The following CACNA2D3 variants were observed in gnomAD, a reference collection of about 807,000 sequenced individuals.
CACNA2D3 encodes the protein voltage-dependent calcium channel subunit alpha-2/delta-3.
Under a neutral mutation model 160.6 loss-of-function variants are expected in CACNA2D3, and 60 were observed. That is an observed-to-expected ratio of 0.37 (90% CI 0.30 to 0.46). CACNA2D3 has a LOEUF of 0.46. Among genes scored for constraint, CACNA2D3 ranks in the 20% least tolerant of loss-of-function variants. The probability of loss-of-function intolerance (pLI) is 1.00; values close to 1 mark genes in which losing one functional copy is unlikely to be tolerated. For synonymous variants in CACNA2D3, 558 were observed against 492.9 expected, an observed-to-expected ratio of 1.13 and a Z score of -1.75; for missense variants, 1,205 against 1,365.0, an observed-to-expected ratio of 0.88 and a Z score of 1.85.
At chr3:54,393,344 G>A (rs1364406424) in intron 4 of CACNA2D3, among the ~76,000 whole-genome samples, 1 of 152,196 alleles carries the variant, frequency 6.6e-6, no homozygotes, top group Non-Finnish European at 1.5e-5. Context: ...CTGACACTGT[G>A]TCCTGTCCCC....
intron 2 of CACNA2D3, among the ~76,000 whole-genome samples, chr3:54,131,120 G>T (rs1247706061): frequency 6.6e-6 from 1 of 152,194 alleles, no homozygotes; most frequent in Admixed American, 6.5e-5. Flanking sequence ...AGCTCTTCAG[G>T]TAATCTTCAT....
chr3:54,444,745 G>A (rs907987165), intron 4 of CACNA2D3, among the ~76,000 whole-genome samples: 8 of 152,180 alleles, frequency 5.3e-5, no homozygotes, highest in African/African-American at 1.7e-4. Flanking sequence ...GGCCCTCAGA[G>A]CTGTCTACTT....
chr3:54,740,132 G>A (rs1031339436), intron 11 of CACNA2D3, among the ~76,000 whole-genome samples: 3 of 152,040 alleles, frequency 2.0e-5, no homozygotes, highest in Admixed American at 1.3e-4. Context: ...ACCAAAGACA[G>A]GGGAGCCACA....
intron 31 of CACNA2D3, among the ~76,000 whole-genome samples, chr3:54,990,057 T>C (rs1702705890): frequency 6.6e-6 from 1 of 152,162 alleles, no homozygotes; most frequent in Non-Finnish European, 1.5e-5. Flanking sequence ...TCATGCACCA[T>C]ATTGAATTGA....
At chr3:55,043,394 C>T (rs907308880) in intron 35 of CACNA2D3, among the ~76,000 whole-genome samples, 2 of 148,490 alleles carry the variant, frequency 1.3e-5, no homozygotes, top group East Asian at 2.1e-4. Flanking sequence ...TGGTTTTGCA[C>T]TTCCATGACG....
chr3:54,836,303 C>T (rs942998380), intron 14 of CACNA2D3, among the ~76,000 whole-genome samples: 2 of 146,920 alleles, frequency 1.4e-5, no homozygotes, highest in Non-Finnish European at 3.0e-5. Flanking sequence ...GGCACTATCT[C>T]GGCCCACTGC....
At chr3:54,334,203 C>T (rs538078372) in intron 3 of CACNA2D3, among the ~76,000 whole-genome samples, 7 of 152,158 alleles carry the variant, frequency 4.6e-5, no homozygotes, top group African/African-American at 1.7e-4. Context: ...TCTCATGCCT[C>T]AGCCTCCCAA....
intron 2 of CACNA2D3, among the ~76,000 whole-genome samples, chr3:54,297,989 A>G (rs536687832): frequency 6.6e-6 from 1 of 152,376 alleles, no homozygotes; most frequent in South Asian, 2.1e-4. Context: ...CCAAATTTTA[A>G]CAAAGCACCT....
chr3:54,620,907 G>A (rs1698972481), intron 9 of CACNA2D3, among the ~76,000 whole-genome samples: 1 of 152,200 alleles, frequency 6.6e-6, no homozygotes, highest in Non-Finnish European at 1.5e-5. Context: ...CAAAAAGCAC[G>A]TGATGCCTAG....
chr3:54,359,720 A>G (rs1698710479), intron 3 of CACNA2D3, among the ~76,000 whole-genome samples: 1 of 152,224 alleles, frequency 6.6e-6, no homozygotes, highest in Non-Finnish European at 1.5e-5. Context: ...CAGTAAAGGA[A>G]TCTGCTTAAC....
chr3:54,639,321 G>C (rs546841337), intron 10 of CACNA2D3: 2 of 152,216 alleles, frequency 1.3e-5, no homozygotes, highest in East Asian at 3.9e-4. Flanking sequence ...TGCCGCTAAG[G>C]GTGAAGGACC....
rs1699738592 is a variant in CACNA2D3 at position 54,879,336 on chromosome 3, T to C, written c.1783-14T>C. 4 of 1,591,776 alleles carry C rather than the reference T, an allele frequency of 2.5e-6. No individual in the cohort carries two copies. Among genetic ancestry groups the C allele is most frequent in the Non-Finnish European group, 3.4e-6 (4 of 1,171,894 alleles). On this transcript the variant is annotated splice_polypyrimidine_tract_variant and intron_variant, in intron 19 of 37. Transcript: ENST00000474759. ...TTTCTTTTCTCTACGACTTTTTTTT[T>C]TTTTTCAATCTAGAAACGGGTTTTG...
At chr3:54,296,346 A>T (rs974878130) in intron 2 of CACNA2D3, among the ~76,000 whole-genome samples, 2 of 152,064 alleles carry the variant, frequency 1.3e-5, no homozygotes, top group African/African-American at 2.4e-5. Flanking sequence ...TGTGTTGGTT[A>T]TGTAGGAAAG....
chr3:54,833,644 A>T (rs2106750947), intron 14 of CACNA2D3, among the ~76,000 whole-genome samples: 1 of 152,124 alleles, frequency 6.6e-6, no homozygotes, highest in East Asian at 1.9e-4. Context: ...AAGAGTATAG[A>T]ATGCCTTTCA....
At chr3:54,635,917 G>A (rs751772781) in intron 10 of CACNA2D3, among the ~76,000 whole-genome samples, 1 of 151,930 alleles carries the variant, frequency 6.6e-6, no homozygotes, top group Non-Finnish European at 1.5e-5. Flanking sequence ...TGTAGGAAAC[G>A]CCTTTACTTA....
chr3:54,668,436 C>G (rs1409058766), intron 11 of CACNA2D3, among the ~76,000 whole-genome samples: 1 of 152,174 alleles, frequency 6.6e-6, no homozygotes, highest in Non-Finnish European at 1.5e-5. Flanking sequence ...CATGTGGGTT[C>G]ACCTCCGCCA....
intron 35 of CACNA2D3, among the ~76,000 whole-genome samples, chr3:55,027,658 G>A (rs1703592994): frequency 6.6e-6 from 1 of 152,182 alleles, no homozygotes; most frequent in Non-Finnish European, 1.5e-5. Context: ...CAGGGGCAAT[G>A]ACATTCAAAA....
intron 2 of CACNA2D3, among the ~76,000 whole-genome samples, chr3:54,295,627 A>G (rs1384095929): frequency 2.0e-5 from 3 of 152,218 alleles, no homozygotes; most frequent in Admixed American, 1.3e-4. Context: ...CTTTCACTGA[A>G]TGCACAATTT....
At chr3:54,519,477 C>T (rs1030032274) in intron 5 of CACNA2D3, among the ~76,000 whole-genome samples, 2 of 152,210 alleles carry the variant, frequency 1.3e-5, no homozygotes, top group African/African-American at 2.4e-5. Context: ...TATAGACTAA[C>T]AGCCCCACCC....
Sources: gnomAD v4.1 joint callset for allele counts (sites outside exome capture counted in the v4.1 genomes callset) on GRCh38, gnomAD v4.1.1 for gene constraint, MANE v1.5 for transcripts, NCBI Gene and HGNC (gene_info 2026-07-23, HGNC 2026-07-21) for gene names.